The following FBXO4 variants were observed in gnomAD, a reference collection of about 807,000 sequenced individuals.
The protein encoded by FBXO4 is F-box protein 4, also known as F-box only protein 4.
Under a neutral mutation model 43.7 loss-of-function variants are expected in FBXO4, and 36 were observed. The ratio of observed to expected loss-of-function variants is 0.82; its 90% CI spans 0.63 to 1.09. FBXO4 has a LOEUF of 1.09. FBXO4 is among the 50% of genes least tolerant of loss of function. FBXO4 has a pLI of 0.00. For synonymous variants in FBXO4, 180 were observed against 165.6 expected, an observed-to-expected ratio of 1.09 and a Z score of -0.67; for missense variants, 435 against 474.1, an observed-to-expected ratio of 0.92 and a Z score of 0.77.
At chr5:42,015,617 A>G in the FBXO4 span, among the ~76,000 whole-genome samples, 142 of 152,278 alleles carry the variant, frequency 9.3e-4, no homozygotes, top group African/African-American at 3.3e-3. Flanking sequence ...CAACTCTACC[A>G]CAGTCAGAGG....
the FBXO4 span, among the ~76,000 whole-genome samples, chr5:42,028,112 G>A: frequency 6.6e-6 from 1 of 151,588 alleles, no homozygotes; most frequent in Admixed American, 6.6e-5. Flanking sequence ...AGATCTGTCT[G>A]GAAGAAATGC....
the FBXO4 span, among the ~76,000 whole-genome samples, chr5:41,990,855 G>A: frequency 6.6e-6 from 1 of 152,156 alleles, no homozygotes; most frequent in African/African-American, 2.4e-5. Flanking sequence ...TATGGAAGAA[G>A]TTCTTGCTCC....
chr5:41,978,688 C>A, the FBXO4 span, among the ~76,000 whole-genome samples: 1 of 152,114 alleles, frequency 6.6e-6, no homozygotes, highest in Non-Finnish European at 1.5e-5. Context: ...AATCTGTAGA[C>A]ACCTAACTTT....
chr5:41,997,386 T>A, the FBXO4 span, among the ~76,000 whole-genome samples: 1 of 152,170 alleles, frequency 6.6e-6, no homozygotes, highest in Non-Finnish European at 1.5e-5. Context: ...ATCTCCACAA[T>A]CCCTCCAGGG....
At chr5:41,992,389 A>C in the FBXO4 span, among the ~76,000 whole-genome samples, 1 of 152,168 alleles carries the variant, frequency 6.6e-6, no homozygotes, top group Non-Finnish European at 1.5e-5. Flanking sequence ...GTGGCTTATA[A>C]AAATATGTTT....
the FBXO4 span, among the ~76,000 whole-genome samples, chr5:41,995,517 C>T: frequency 6.6e-6 from 1 of 152,184 alleles, no homozygotes; most frequent in Non-Finnish European, 1.5e-5. Flanking sequence ...TTGCTGAGCC[C>T]ATGCGCAACC....
chr5:41,985,692 C>T, the FBXO4 span, among the ~76,000 whole-genome samples: 2 of 152,100 alleles, frequency 1.3e-5, no homozygotes, highest in East Asian at 1.9e-4. Context: ...ACCTAACTTC[C>T]TTGAGATTTG....
chr5:41,927,939 T>A (rs781055468), intron 2 of FBXO4, among the ~76,000 whole-genome samples: 23 of 152,240 alleles, frequency 1.5e-4, no homozygotes, highest in Non-Finnish European at 2.6e-4. Flanking sequence ...TGGATATAGC[T>A]TGTTTTTCTG....
At chr5:41,958,131 A>ATT in the FBXO4 span, among the ~76,000 whole-genome samples, 586 of 128,796 alleles carry the variant, frequency 4.5e-3, 4 homozygotes, top group African/African-American at 5.5e-3. Context: ...CTGTTAACAA[A>ATT]TTTTTTTTTT....
chr5:42,026,032 G>C, the FBXO4 span, among the ~76,000 whole-genome samples: 1 of 151,820 alleles, frequency 6.6e-6, no homozygotes, highest in Non-Finnish European at 1.5e-5. Context: ...GGTCTTTTGT[G>C]GTTCCATATA....
At chr5:41,950,111 C>A in the FBXO4 span, among the ~76,000 whole-genome samples, 1 of 152,070 alleles carries the variant, frequency 6.6e-6, no homozygotes, top group Non-Finnish European at 1.5e-5. Flanking sequence ...CCATAAAAAC[C>A]CTAGAAGAAA....
the FBXO4 span, among the ~76,000 whole-genome samples, chr5:42,023,176 A>T: frequency 8.5e-5 from 13 of 152,250 alleles, no homozygotes; most frequent in South Asian, 2.5e-3. Flanking sequence ...TGTAAATTCC[A>T]GACATTATTT....
intron 3 of FBXO4, among the ~76,000 whole-genome samples, chr5:41,931,944 G>A (rs1751699467): frequency 6.6e-6 from 1 of 152,190 alleles, no homozygotes; most frequent in African/African-American, 2.4e-5. Context: ...ATGGCATTGG[G>A]AGTTAAGAGA....
At chr5:41,938,153 TA>T (rs959785588) in intron 5 of FBXO4, among the ~76,000 whole-genome samples, 7 of 151,856 alleles carry the variant, frequency 4.6e-5, no homozygotes, top group South Asian at 2.1e-4. Flanking sequence ...CTAATTTTAA[TA>T]AAAAAAACTA....
At chr5:42,019,901 C>T in the FBXO4 span, among the ~76,000 whole-genome samples, 1 of 151,784 alleles carries the variant, frequency 6.6e-6, no homozygotes, top group Non-Finnish European at 1.5e-5. Flanking sequence ...AATTTGTTTG[C>T]CACATTTTGA....
the FBXO4 span, among the ~76,000 whole-genome samples, chr5:41,989,847 C>T: frequency 1.3e-5 from 2 of 152,090 alleles, no homozygotes; most frequent in Admixed American, 6.6e-5. Flanking sequence ...AATTATGAAG[C>T]ATATTATTGG....
Position 41,925,339 on chromosome 5 carries a change from A to G in FBXO4, c.30A>G (p.Thr10=), listed in dbSNP as rs113745031. The change falls in exon 1 of 7, where the codon ACA becomes ACG. Residue 10 remains threonine (T), a synonymous_variant. Coordinates refer to ENST00000281623, the MANE Select transcript of FBXO4 (RefSeq NM_012176.3). The stretch of plus-strand genomic sequence containing the variant: ...CGGGAAGCGAGCCGCGCAGCGGAAC[A>G]AACTCGCCGCCGCCGCCCTTCAGCG... MAGSEPRSG[T]NSPPPPFSDW... is the part of the protein sequence containing the mutation. 300 of 1,365,418 alleles carry G rather than the reference A, an allele frequency of 2.2e-4. 4 individuals carry two copies. In the African/African-American group the frequency reaches 3.7e-3, roughly 17 times the overall value. 84.6% of individuals were successfully genotyped at this position (1,365,418 alleles called of 1,614,324 possible).
In FBXO4 at chr5:41,934,863, A is replaced by G. The variant is rs1221134415; in HGVS notation, c.898+555A>G. 7.1e-6 allele frequency: 7 copies of G among 988,242 alleles called. No homozygotes were observed. The African/African-American group carries it at 1.0e-4, about 15-fold the overall frequency. The allele number at this position is 988,242 out of a possible 1,614,324, so 61.2% of individuals were successfully genotyped here. A position where few individuals can be genotyped will look rare whatever the true frequency, so the allele number is the denominator to read the frequency against. ...TGCTATTTTTGTGTGAAATCAAAAT[A>G]TCATTGGGCCATGAGCTAGTATTAT... On this transcript the variant is annotated intron_variant, in intron 5 of 6. Coordinates refer to ENST00000281623, the MANE Select transcript of FBXO4 (RefSeq NM_012176.3).
the FBXO4 span, among the ~76,000 whole-genome samples, chr5:41,960,101 A>T: frequency 6.6e-6 from 1 of 151,850 alleles, no homozygotes; most frequent in Admixed American, 6.6e-5. Flanking sequence ...ATCCCTAAGT[A>T]TTTTATTTAT....
Sources: gnomAD v4.1 joint callset for allele counts (sites outside exome capture counted in the v4.1 genomes callset) on GRCh38, gnomAD v4.1.1 for gene constraint, MANE v1.5 for transcripts, NCBI Gene and HGNC (gene_info 2026-07-23, HGNC 2026-07-21) for gene names.